Variants in CDH18 observed in about 807,000 individuals in gnomAD.
CDH18 encodes the protein cadherin-18.
Under a neutral mutation model 67.9 loss-of-function variants are expected in CDH18, and 31 were observed. The observed-to-expected ratio is 0.46, with a 90% CI of 0.34 to 0.62. The LOEUF (loss-of-function observed/expected upper bound fraction) is 0.62, where lower values mean the gene tolerates loss of function less well. Ranked by LOEUF, CDH18 falls within the 20% of genes least tolerant of loss-of-function variation. CDH18 has a pLI of 0.01. For synonymous variants in CDH18, 362 were observed against 347.2 expected (o/e 1.04, Z -0.48); for missense variants, 890 against 975.5 (o/e 0.91, Z 1.17).
At chr5:19,544,041 T>C in intron 8 of CDH18, 36 bp from the exon 9 acceptor site, 1 of 1,243,150 alleles carries the variant, frequency 8.0e-7, no homozygotes, top group Non-Finnish European at 1.1e-6. Flanking sequence ...CTTGATGTTA[T>C]AATGAAGAAA....
At chr5:19,999,217 TACACAC>T (rs149828207) in intron 2 of CDH18, among the ~76,000 whole-genome samples, 3 of 149,770 alleles carry the variant, frequency 2.0e-5, no homozygotes, top group Non-Finnish European at 1.5e-5. Flanking sequence ...AACTATTATT[TACACAC>T]ACACACACAC....
chr5:19,789,421 A>G (rs1448350152), intron 3 of CDH18, among the ~76,000 whole-genome samples: 1 of 152,206 alleles, frequency 6.6e-6, no homozygotes, highest in African/African-American at 2.4e-5. Context: ...TTAATAATTT[A>G]TAACTGAAGT....
intron 1 of CDH18, among the ~76,000 whole-genome samples, chr5:20,449,818 T>A (rs1188325874): frequency 7.9e-6 from 1 of 126,612 alleles, no homozygotes; most frequent in African/African-American, 2.5e-5. Context: ...CATGTTTGTC[T>A]ACAAAAAAGA....
intron 4 of CDH18, among the ~76,000 whole-genome samples, chr5:19,730,109 T>C (rs1581097571): frequency 6.6e-6 from 1 of 152,268 alleles, no homozygotes; most frequent in Middle Eastern, 3.4e-3. Context: ...CCCCCTACCA[T>C]GGTCCATTCT....
chr5:20,044,223 A>G (rs1407524982), intron 2 of CDH18, among the ~76,000 whole-genome samples: 1 of 152,192 alleles, frequency 6.6e-6, no homozygotes, highest in Non-Finnish European at 1.5e-5. Flanking sequence ...GTACAAGTTA[A>G]TACCCAGATA....
intron 1 of CDH18, among the ~76,000 whole-genome samples, chr5:20,496,308 G>C (rs924928534): frequency 1.2e-4 from 19 of 152,038 alleles, no homozygotes; most frequent in Non-Finnish European, 2.8e-4. Flanking sequence ...TCATGTTTTC[G>C]TTTAAAGGGT....
At chr5:19,614,242 T>C (rs1238284330) in intron 5 of CDH18, among the ~76,000 whole-genome samples, 2 of 151,862 alleles carry the variant, frequency 1.3e-5, no homozygotes, top group African/African-American at 2.4e-5. Context: ...TAAGTAATAA[T>C]GACTTTGAGA....
chr5:19,861,899 T>C (rs969320361), intron 2 of CDH18, among the ~76,000 whole-genome samples: 3 of 152,050 alleles, frequency 2.0e-5, no homozygotes, highest in Admixed American at 2.0e-4. Context: ...AAATGATGAG[T>C]GAGTAGAAAT....
chr5:19,522,622 T>C (rs149101815), intron 9 of CDH18, among the ~76,000 whole-genome samples: 1 of 152,032 alleles, frequency 6.6e-6, no homozygotes, highest in African/African-American at 2.4e-5. Flanking sequence ...ACGCCGGGCA[T>C]GGTGGCTCAC....
At chr5:19,557,978 A>C (rs1024014111) in intron 8 of CDH18, among the ~76,000 whole-genome samples, 1 of 152,200 alleles carries the variant, frequency 6.6e-6, no homozygotes, top group African/African-American at 2.4e-5. Context: ...ATTGAAAATC[A>C]ACTCTAAAAT....
chr5:20,146,583 T>C (rs1364444279), intron 2 of CDH18, among the ~76,000 whole-genome samples: 1 of 150,574 alleles, frequency 6.6e-6, no homozygotes, highest in East Asian at 2.0e-4. Flanking sequence ...CTTTATAGTG[T>C]ATGGCAAATC....
At chr5:19,628,772 A>G (rs112378569) in intron 5 of CDH18, among the ~76,000 whole-genome samples, 2 of 152,156 alleles carry the variant, frequency 1.3e-5, no homozygotes, top group African/African-American at 4.8e-5. Flanking sequence ...TAATATAAAT[A>G]TGACCAGCAT....
intron 3 of CDH18, among the ~76,000 whole-genome samples, chr5:19,757,304 G>A (rs1365145439): frequency 6.6e-6 from 1 of 152,184 alleles, no homozygotes; most frequent in Non-Finnish European, 1.5e-5. Flanking sequence ...CATGATGGAG[G>A]AGGTTCAATA....
At chr5:20,099,618 G>C (rs1746284575) in intron 2 of CDH18, among the ~76,000 whole-genome samples, 1 of 151,672 alleles carries the variant, frequency 6.6e-6, no homozygotes, top group African/African-American at 2.4e-5. Context: ...TGGCCTCTAG[G>C]GTAACAATTA....
intron 2 of CDH18, among the ~76,000 whole-genome samples, chr5:19,923,124 T>A: frequency 6.6e-6 from 1 of 152,166 alleles, no homozygotes; most frequent in East Asian, 1.9e-4. Flanking sequence ...TAAACCCTAC[T>A]GCTGTCATAT....
chr5:20,538,249 G>A (rs569261270), intron 1 of CDH18, among the ~76,000 whole-genome samples: 1 of 152,146 alleles, frequency 6.6e-6, no homozygotes, highest in South Asian at 2.1e-4. Context: ...TGCAGACGTG[G>A]GCAGGGTGTA....
chr5:19,978,301 T>C (rs1798700504), intron 2 of CDH18, among the ~76,000 whole-genome samples: 1 of 152,130 alleles, frequency 6.6e-6, no homozygotes, highest in Admixed American at 6.6e-5. Flanking sequence ...ACTAGCATCC[T>C]TCAGGAAACT....
rs201922328 is a variant in CDH18 at position 19,807,315 on chromosome 5, T to C, written c.228+31444A>G. ...CCTGCAGATCCTGCACATAAAACTTTAAATAAAACTAAAAATTAAAAAAAG... is the reference window on the plus strand; with the variant it reads ...CCTGCAGATCCTGCACATAAAACTTCAAATAAAACTAAAAATTAAAAAAAG... On this transcript the variant is annotated intron_variant, in intron 3 of 12. Transcript: ENST00000382275. Among the ~76,000 whole-genome samples the C allele has an allele frequency of 3.3e-5, 5 of 152,236 alleles. No homozygotes were observed. The East Asian group carries it at 7.7e-4, about 24-fold the overall frequency.
chr5:19,833,650 T>G (rs534070170), intron 3 of CDH18, among the ~76,000 whole-genome samples: 1 of 152,090 alleles, frequency 6.6e-6, no homozygotes, highest in South Asian at 2.1e-4. Flanking sequence ...TGATATTGGA[T>G]GTGGGTTTGT....
Sources: gnomAD v4.1 joint callset for allele counts (sites outside exome capture counted in the v4.1 genomes callset) on GRCh38, gnomAD v4.1.1 for gene constraint, MANE v1.5 for transcripts, NCBI Gene and HGNC (gene_info 2026-07-23, HGNC 2026-07-21) for gene names.